Variants in SLCO3A1 observed in about 807,000 individuals in gnomAD.
SLCO3A1 encodes solute carrier organic anion transporter family member 3A1.
A neutral mutation model predicts 63.1 loss-of-function variants in SLCO3A1; 27 were observed. The observed-to-expected ratio is 0.43, with a 90% CI of 0.32 to 0.59. The LOEUF (loss-of-function observed/expected upper bound fraction) is 0.59. SLCO3A1 is among the 20% of genes least tolerant of loss of function. The pLI is 0.09. For synonymous variants in SLCO3A1, 473 were observed against 409.9 expected, an observed-to-expected ratio of 1.15 and a Z score of -1.86; for missense variants, 773 against 945.8, an observed-to-expected ratio of 0.82 and a Z score of 2.40.
intron 2 of SLCO3A1, among the ~76,000 whole-genome samples, chr15:92,079,742 T>C (rs1330447970): frequency 6.6e-6 from 1 of 152,248 alleles, no homozygotes; most frequent in Non-Finnish European, 1.5e-5. Context: ...CTGCTGAGGC[T>C]TTGAGGGGTG....
At chr15:92,086,736 G>C (rs967403510) in intron 2 of SLCO3A1, among the ~76,000 whole-genome samples, 5 of 152,114 alleles carry the variant, frequency 3.3e-5, no homozygotes, top group African/African-American at 1.2e-4. Context: ...AGCACTTTGG[G>C]AGGCCAAGGT....
chr15:92,013,291 A>G (rs2046389669), intron 2 of SLCO3A1, among the ~76,000 whole-genome samples: 1 of 152,206 alleles, frequency 6.6e-6, no homozygotes, highest in Non-Finnish European at 1.5e-5. Context: ...CATTTCGTGG[A>G]TGAATAGAGA....
rs1900072311 is a variant in SLCO3A1, at chr15:91,953,631, G to A, written c.646+37173G>A. ...AAGCCTGGTATGATGGAGGCAGTTG[G>A]CTGCCACCCAGGAGTGGGGAAAGTG... On this transcript the variant is annotated intron_variant, in intron 2 of 9. Coordinates refer to ENST00000318445, the MANE Select transcript of SLCO3A1 (RefSeq NM_013272.4). 2.0e-5 allele frequency among the ~76,000 whole-genome samples: 3 copies of A among 152,298 alleles called. No homozygotes were observed. In the South Asian group the frequency reaches 6.2e-4, roughly 32 times the overall value.
chr15:91,902,593 C>G (rs577945053), intron 1 of SLCO3A1, among the ~76,000 whole-genome samples: 1 of 152,140 alleles, frequency 6.6e-6, no homozygotes, highest in Admixed American at 6.5e-5. Flanking sequence ...GAACCAGATT[C>G]CCACTGATCT....
chr15:92,075,819 A>G (rs1169734115), intron 2 of SLCO3A1, among the ~76,000 whole-genome samples: 1 of 152,228 alleles, frequency 6.6e-6, no homozygotes. Context: ...TGGTTCCGCC[A>G]GTTCTGTGTC....
intron 9 of SLCO3A1, among the ~76,000 whole-genome samples, chr15:92,160,871 C>T (rs926266490): frequency 3.9e-5 from 6 of 152,186 alleles, no homozygotes; most frequent in Non-Finnish European, 8.8e-5. Context: ...AATGGAGGTG[C>T]TGCTGTGCTT....
intron 4 of SLCO3A1, among the ~76,000 whole-genome samples, chr15:92,115,198 A>T (rs1175268109): frequency 6.6e-6 from 1 of 152,054 alleles, no homozygotes. Context: ...GGACATGGAA[A>T]CCAAGGCCAT....
intron 7 of SLCO3A1, among the ~76,000 whole-genome samples, chr15:92,142,025 G>T (rs2048140417): frequency 6.6e-6 from 1 of 152,196 alleles, no homozygotes; most frequent in Non-Finnish European, 1.5e-5. Context: ...TCCTTGCACA[G>T]ATCACTCTGG....
chr15:91,963,849 G>C (rs750197578), intron 2 of SLCO3A1, among the ~76,000 whole-genome samples: 13 of 152,094 alleles, frequency 8.5e-5, no homozygotes, highest in Non-Finnish European at 1.5e-4. Context: ...AAAGAACAAA[G>C]CTTCCACGGC....
At chr15:92,062,399 A>G (rs2047097287) in intron 2 of SLCO3A1, among the ~76,000 whole-genome samples, 1 of 152,092 alleles carries the variant, frequency 6.6e-6, no homozygotes, top group African/African-American at 2.4e-5. Context: ...CAGGCAGGGA[A>G]CTCTGCAAAG....
At chr15:92,134,859 TG>T (rs1200263338) in intron 7 of SLCO3A1, among the ~76,000 whole-genome samples, 4 of 151,850 alleles carry the variant, frequency 2.6e-5, no homozygotes, top group Non-Finnish European at 5.9e-5. Flanking sequence ...TCAGGCCTGC[TG>T]GGGTAGAAAT....
chr15:91,996,103 A>G (rs75878205), intron 2 of SLCO3A1, among the ~76,000 whole-genome samples: 1,533 of 152,302 alleles, frequency 0.01, 27 homozygotes, highest in African/African-American at 0.035. Flanking sequence ...AAGATTATCA[A>G]TGTTAAAAAA....
intron 2 of SLCO3A1, among the ~76,000 whole-genome samples, chr15:91,957,445 T>C (rs942876002): frequency 2.0e-5 from 3 of 151,912 alleles, no homozygotes; most frequent in Non-Finnish European, 4.4e-5. Context: ...CCCTCTGTGA[T>C]GGGGTCAGTC....
At chr15:92,065,240 G>T (rs1192009793) in intron 2 of SLCO3A1, among the ~76,000 whole-genome samples, 3 of 152,030 alleles carry the variant, frequency 2.0e-5, no homozygotes, top group African/African-American at 4.8e-5. Context: ...GTGCCATCAC[G>T]CCAGGCTAAT....
At chr15:92,108,255 G>C (rs1349235834) in intron 4 of SLCO3A1, among the ~76,000 whole-genome samples, 1 of 152,214 alleles carries the variant, frequency 6.6e-6, no homozygotes, top group Non-Finnish European at 1.5e-5. Flanking sequence ...TCCCCGATGT[G>C]GGGGCTGGCC....
intron 2 of SLCO3A1, among the ~76,000 whole-genome samples, chr15:92,071,264 G>A (rs569228410): frequency 9.9e-5 from 15 of 152,166 alleles, no homozygotes; most frequent in Admixed American, 3.9e-4. Context: ...GCCAGGGAGC[G>A]TGAGGATGAA....
At chr15:91,956,455 C>T (rs907461103) in intron 2 of SLCO3A1, among the ~76,000 whole-genome samples, 7 of 152,008 alleles carry the variant, frequency 4.6e-5, no homozygotes, top group South Asian at 2.1e-4. Flanking sequence ...GTGGAGTAAG[C>T]GGAATTTTTC....
At chr15:92,014,036 C>T (rs115772390) in intron 2 of SLCO3A1, among the ~76,000 whole-genome samples, 81 of 152,278 alleles carry the variant, frequency 5.3e-4, no homozygotes, top group African/African-American at 1.9e-3. Context: ...ACCAGGAGGG[C>T]ACAATCTTAC....
chr15:91,916,390 C>T lies in SLCO3A1; in HGVS notation c.578C>T (p.Pro193Leu), dbSNP rs1597117585. ...GTGCTCCTGGGCATCGGTGCTACCC[C>T]TGTGCAGCCCCTGGGCGTCTCCTAC... ...AQVLLGIGAT[P>L]VQPLGVSYID... The change falls in exon 2 of 10, where the codon CCT becomes CTT. Residue 193 changes from proline to leucine, a missense_variant. This residue lies in a region of SLCO3A1 where 565 missense variants were observed against 749.8 expected (regional missense o/e 0.75). Coordinates refer to ENST00000318445, the MANE Select transcript of SLCO3A1 (RefSeq NM_013272.4). This position sits in a 1 kb window ranked among gnomAD's most constrained non-coding sequence, Gnocchi z 6.2. 1 of 1,613,080 alleles carries T rather than the reference C, an allele frequency of 6.2e-7. No individual in the cohort carries two copies. Among genetic ancestry groups the T allele is most frequent in the Non-Finnish European group, 8.5e-7 (1 of 1,179,786 alleles).
Sources: allele counts gnomAD v4.1 joint callset (sites outside exome capture counted in the v4.1 genomes callset), GRCh38; gene constraint gnomAD v4.1.1; regional missense constraint gnomAD v4.1.1; non-coding constraint Gnocchi (gnomAD v3.1); transcripts MANE v1.5; gene names NCBI Gene and HGNC (gene_info 2026-07-23, HGNC 2026-07-21).